Variants in MAGI1 observed in about 807,000 individuals in gnomAD.
The protein encoded by MAGI1 is membrane associated guanylate kinase, WW and PDZ domain containing 1.
MAGI1 carries 58 observed loss-of-function variants against 139.9 expected under a neutral mutation model. That is an observed-to-expected ratio of 0.41 (90% CI 0.34 to 0.52). The LOEUF is 0.52. Ranked by LOEUF, MAGI1 falls within the 20% of genes least tolerant of loss-of-function variation. The pLI is 0.12. For missense variants in MAGI1, 1,874 were observed against 1,901.6 expected (o/e 0.99, Z 0.27); for synonymous variants, 812 against 737.9 (o/e 1.10, Z -1.63).
intron 1 of MAGI1, among the ~76,000 whole-genome samples, chr3:65,788,378 A>G (rs984352820): frequency 3.3e-5 from 5 of 152,232 alleles, no homozygotes; most frequent in African/African-American, 1.2e-4. Flanking sequence ...AATTCCAAAC[A>G]TCATTTACTT....
At chr3:65,849,487 C>A (rs995511840) in intron 1 of MAGI1, among the ~76,000 whole-genome samples, 38 of 107,908 alleles carry the variant, frequency 3.5e-4, no homozygotes, top group East Asian at 2.0e-3. Context: ...ATATATATAT[C>A]ATCAAATATA....
intron 1 of MAGI1, among the ~76,000 whole-genome samples, chr3:65,692,496 A>G (rs1035722820): frequency 5.3e-5 from 8 of 152,180 alleles, no homozygotes; most frequent in Non-Finnish European, 1.2e-4. Flanking sequence ...CTTACCCTAC[A>G]TAGACTTACA....
intron 1 of MAGI1, among the ~76,000 whole-genome samples, chr3:65,809,410 C>G (rs896877672): frequency 6.6e-6 from 1 of 152,152 alleles, no homozygotes; most frequent in African/African-American, 2.4e-5. Flanking sequence ...AGTTCTCCAA[C>G]GTCATCCATT....
chr3:65,962,149 GTC>G (rs1165896587), intron 1 of MAGI1, among the ~76,000 whole-genome samples: 2 of 142,090 alleles, frequency 1.4e-5, no homozygotes, highest in African/African-American at 5.3e-5. Context: ...TTTTGACGGA[GTC>G]TCTCTCTGTC....
At chr3:65,587,461 T>G (rs1050623095) in intron 2 of MAGI1, among the ~76,000 whole-genome samples, 2 of 151,764 alleles carry the variant, frequency 1.3e-5, no homozygotes, top group African/African-American at 4.8e-5. Flanking sequence ...TGCCATTTTA[T>G]TTTATTATTA....
chr3:65,359,850 A>T (rs1940622922), intron 22 of MAGI1: 1 of 985,434 alleles, frequency 1.0e-6, no homozygotes, highest in African/African-American at 1.7e-5. Context: ...CAGGTTACTG[A>T]CGATGACTCT....
chr3:65,461,104 T>C (rs985809239), intron 5 of MAGI1, among the ~76,000 whole-genome samples: 1 of 152,178 alleles, frequency 6.6e-6, no homozygotes, highest in Non-Finnish European at 1.5e-5. Flanking sequence ...TCTAGTTGTA[T>C]ATCCTGGAGG....
chr3:65,766,324 A>G (rs973942422), intron 1 of MAGI1, among the ~76,000 whole-genome samples: 3 of 152,158 alleles, frequency 2.0e-5, no homozygotes, highest in Non-Finnish European at 4.4e-5. Context: ...CTGGTGGACA[A>G]CAGCTAGAAT....
chr3:65,551,622 A>T (rs1362446753), intron 2 of MAGI1, among the ~76,000 whole-genome samples: 1 of 152,178 alleles, frequency 6.6e-6, no homozygotes, highest in Non-Finnish European at 1.5e-5. Flanking sequence ...TAAATTACCC[A>T]GTCTCAGGGA....
intron 1 of MAGI1, among the ~76,000 whole-genome samples, chr3:65,870,746 A>C (rs983053444): frequency 2.7e-5 from 4 of 150,720 alleles, no homozygotes; most frequent in African/African-American, 9.8e-5. Flanking sequence ...AATGAAAAGG[A>C]AATGAAGAAA....
chr3:65,639,350 A>AT (rs1228693820), intron 1 of MAGI1, among the ~76,000 whole-genome samples: 4 of 152,040 alleles, frequency 2.6e-5, no homozygotes, highest in African/African-American at 9.7e-5. Flanking sequence ...TTTTATGGTT[A>AT]TTTTTTCTCT....
intron 1 of MAGI1, among the ~76,000 whole-genome samples, chr3:66,023,319 T>C (rs1381710298): frequency 6.6e-6 from 1 of 152,180 alleles, no homozygotes; most frequent in Non-Finnish European, 1.5e-5. Flanking sequence ...TAACCCTGCA[T>C]TGGACTTTTG....
chr3:65,683,748 A>T (rs1009545411), intron 1 of MAGI1, among the ~76,000 whole-genome samples: 1 of 151,884 alleles, frequency 6.6e-6, no homozygotes, highest in Admixed American at 6.6e-5. Context: ...AACCACAATG[A>T]GAGCACTTCA....
At chr3:65,840,012 T>C (rs2058752553) in intron 1 of MAGI1, among the ~76,000 whole-genome samples, 1 of 152,204 alleles carries the variant, frequency 6.6e-6, no homozygotes, top group Non-Finnish European at 1.5e-5. Flanking sequence ...AAGTATACCT[T>C]TTTGTGGAAT....
chr3:66,012,838 G>C (rs1350357073), intron 1 of MAGI1, among the ~76,000 whole-genome samples: 2 of 151,522 alleles, frequency 1.3e-5, no homozygotes, highest in East Asian at 3.9e-4. Context: ...CACATCAGAA[G>C]TGCCCCTGTA....
intron 17 of MAGI1, 89 bp downstream of exon 17, chr3:65,379,172 G>T (rs762794727): frequency 6.3e-7 from 1 of 1,592,602 alleles, no homozygotes; most frequent in South Asian, 1.1e-5. Context: ...ATTTCTGCAC[G>T]TGAGGTCTGA....
At position 65,921,031 on chromosome 3, in the gene MAGI1, A is replaced by G. The variant is rs182267528; in HGVS notation, c.313+116965T>C. Among the ~76,000 whole-genome samples, 299 of 152,160 alleles carry G rather than the reference A, an allele frequency of 2.0e-3. 1 individual carries two copies. The highest frequency in any genetic ancestry group is 6.6e-3 in the African/African-American group (275 of 41,530). ...GTGACAGAGCAAGGTTCTGTCTCAA[A>G]AAAAAAAAACAAAATGGAATTGGGC... On this transcript the variant is annotated intron_variant, in intron 1 of 22. Transcript: ENST00000402939.
intron 5 of MAGI1, among the ~76,000 whole-genome samples, chr3:65,457,836 A>G (rs1446532444): frequency 6.6e-6 from 1 of 152,124 alleles, no homozygotes; most frequent in Non-Finnish European, 1.5e-5. Flanking sequence ...TTAAATGTAC[A>G]ATTACATTAT....
At chr3:65,656,372 G>A (rs1239211884) in intron 1 of MAGI1, among the ~76,000 whole-genome samples, 4 of 152,188 alleles carry the variant, frequency 2.6e-5, no homozygotes, top group Admixed American at 6.5e-5. Flanking sequence ...TATTGGAAAT[G>A]AGGTGAAGTC....
Sources: allele counts gnomAD v4.1 joint callset (sites outside exome capture counted in the v4.1 genomes callset), GRCh38; gene constraint gnomAD v4.1.1; transcripts MANE v1.5; gene names NCBI Gene and HGNC (gene_info 2026-07-23, HGNC 2026-07-21).